Variants in SLITRK4 observed in about 807,000 individuals in gnomAD.
SLITRK4 encodes SLIT and NTRK like family member 4, also known as SLIT and NTRK-like protein 4.
Under a neutral mutation model 34.7 loss-of-function variants are expected in SLITRK4, and 7 were observed. That is an observed-to-expected ratio of 0.20 (90% CI 0.11 to 0.38). SLITRK4 has a LOEUF of 0.38. Ranked by LOEUF, SLITRK4 falls within the 10% of genes least tolerant of loss-of-function variation. The probability of loss-of-function intolerance (pLI) is 1.00; values close to 1 mark genes in which losing one functional copy is unlikely to be tolerated. For missense variants in SLITRK4, 474 were observed against 607.0 expected, an observed-to-expected ratio of 0.78 and a Z score of 2.30; for synonymous variants, 237 against 246.2, an observed-to-expected ratio of 0.96 and a Z score of 0.35.
rs143808136 is a variant in SLITRK4 at position 143,628,367 on chromosome X, G to A, written c.*228C>T. 1.4e-5 allele frequency: 5 copies of A among 360,050 alleles called. No homozygotes were observed. The highest frequency in any genetic ancestry group is 1.9e-5 in the Non-Finnish European group (4 of 213,046). The allele number at this position is 360,050 out of a possible 1,213,427, so 29.7% of individuals were successfully genotyped here. A position where few individuals can be genotyped will look rare whatever the true frequency, so the allele number is the denominator to read the frequency against. On this transcript the variant is annotated 3_prime_UTR_variant, in exon 2 of 2. Transcript: ENST00000356928. ...TGTATAAAGCATCCCTTTGGCAATA[G>A]AGTTTGCAGTATCCCCACAGGACTC... is the stretch of plus-strand genomic sequence containing the variant.
At position 143,630,295 on chromosome X, in the gene SLITRK4, C is replaced by G. The variant is rs782237496; in HGVS notation, c.814G>C (p.Val272Leu). ...AGCTGAGATGGAGGCAGGATGCGCA[C>G]GTCAAAATCACTGCCGGTGCCCATG... Reference protein sequence around the residue: ...CPMGTGSDFDVRILPPSQLEN... With the variant: ...CPMGTGSDFDLRILPPSQLEN... The change falls in exon 2 of 2, where the codon GTG becomes CTG. Residue 272 changes from valine to leucine, a missense_variant. Coordinates refer to ENST00000356928, the MANE Select transcript of SLITRK4 (RefSeq NM_001184749.3). 15 of 1,209,915 alleles carry G rather than the reference C, an allele frequency of 1.2e-5. No individual in the cohort carries two copies. Among genetic ancestry groups the G allele is most frequent in the Admixed American group, 2.2e-5 (1 of 45,692 alleles).
At chrX:143,635,221 C>G (rs1342100833) in intron 1 of SLITRK4, 2 of 93,862 alleles carry the variant, frequency 2.1e-5, no homozygotes, top group Non-Finnish European at 4.2e-5. Context: ...CCCTCACATT[C>G]CTGAGCTCCT....
Position 143,630,400 on chromosome X carries a change from T to C in SLITRK4, c.709A>G (p.Ile237Val), listed in dbSNP as rs1556427793. 1.7e-6 allele frequency: 2 copies of C among 1,211,450 alleles called. No individual in the cohort carries two copies. The highest frequency in any genetic ancestry group is 3.5e-5 in the South Asian group (2 of 56,966). Residue 237 changes from isoleucine to valine, a missense_variant, in exon 2 of 2, where the codon ATA becomes GTA. Physicochemically the swap from Ile to Val is conservative, Grantham distance 29 (BLOSUM62 3). Coordinates refer to ENST00000356928, the MANE Select transcript of SLITRK4 (RefSeq NM_001184749.3). ...WLENMPYNIY[I>V]GEAICETPSD... is the part of the protein sequence containing the mutation. Reference sequence around the variant, plus strand: ...GGAGTTTCACAGATAGCTTCTCCTATGTAAATGTTATATGGCATGTTCTCC... The same window carrying C: ...GGAGTTTCACAGATAGCTTCTCCTACGTAAATGTTATATGGCATGTTCTCC...
chrX:143,626,908 ATATATATC>A lies in SLITRK4; in HGVS notation c.*1679_*1686del, dbSNP rs1224237873. 10 of 106,672 alleles carry A rather than the reference ATATATATC, an allele frequency of 9.4e-5. No individual in the cohort carries two copies. Among genetic ancestry groups the A allele is most frequent in the South Asian group, 3.9e-4 (1 of 2,547 alleles). The allele number at this position is 106,672 out of a possible 1,213,427, so 8.8% of individuals were successfully genotyped here. On this transcript the variant is annotated 3_prime_UTR_variant, in exon 2 of 2. Coordinates refer to ENST00000356928, the MANE Select transcript of SLITRK4 (RefSeq NM_001184749.3). ...CACACATATATATATATGTATATCTATATATATCTATATATCTATATATATATATGCAG... is the reference window on the plus strand; with the variant it reads ...CACACATATATATATATGTATATCTATATATATCTATATATATATATGCAG...
chrX:143,635,046 A>G (rs1931186712), intron 1 of SLITRK4: 1 of 107,236 alleles, frequency 9.3e-6, no homozygotes, highest in Non-Finnish European at 1.9e-5. Context: ...GCAGGCGGGC[A>G]GCGGCGCGCG....
Position 143,626,900 on chromosome X carries a change from GTATATCTATA to G in SLITRK4, c.*1685_*1694del, listed in dbSNP as rs1321080361. ...TATACACACACACATATATATATATGTATATCTATATATATCTATATATCTATATATATAT... is the reference window on the plus strand; with the variant it reads ...TATACACACACACATATATATATATGTATATCTATATATCTATATATATAT... On this transcript the variant is annotated 3_prime_UTR_variant, in exon 2 of 2. Coordinates refer to ENST00000356928, the MANE Select transcript of SLITRK4 (RefSeq NM_001184749.3). 2 of 104,351 alleles carry G rather than the reference GTATATCTATA, an allele frequency of 1.9e-5. No individual in the cohort carries two copies. The highest frequency in any genetic ancestry group is 2.1e-4 in the Admixed American group (2 of 9,387). The allele number at this position is 104,351 out of a possible 1,213,427, so 8.6% of individuals were successfully genotyped here. A position where few individuals can be genotyped will look rare whatever the true frequency, so the allele number is the denominator to read the frequency against.
chrX:143,625,397 AT>A lies in SLITRK4; in HGVS notation c.*3197del, dbSNP rs1371894279. 2.7e-5 allele frequency: 3 copies of A among 111,664 alleles called. No individual in the cohort carries two copies. Among genetic ancestry groups the A allele is most frequent in the East Asian group, 2.8e-4 (1 of 3,576 alleles). The allele number at this position is 111,664 out of a possible 1,213,427, so 9.2% of individuals were successfully genotyped here. On this transcript the variant is annotated 3_prime_UTR_variant, in exon 2 of 2. Transcript: ENST00000356928. Reference sequence around the variant, plus strand: ...TCATCTTTATTGATTTCATAAAAAAATAATTTAAAACTTGATTTATATTACA... The same window carrying A: ...TCATCTTTATTGATTTCATAAAAAAAAATTTAAAACTTGATTTATATTACA...
In SLITRK4 at chrX:143,629,283, C is replaced by T. The variant is rs1556426483; in HGVS notation, c.1826G>A (p.Ser609Asn). 4 of 1,211,980 alleles carry T rather than the reference C, an allele frequency of 3.3e-6. No homozygotes were observed. The highest frequency in any genetic ancestry group is 4.5e-6 in the Non-Finnish European group (4 of 895,602). ...CAGAGGCACTGGCCCACCAGGAGGA[C>T]TTCGAATGGGACCCAAAGGAGTGGT... ...TFTTPLGPIR[S>N]PPGGPVPLSI... The change falls in exon 2 of 2, where the codon AGT becomes AAT. Residue 609 changes from serine (S) to asparagine (N), a missense_variant. Ser to Asn is a conservative substitution (Grantham distance 46). Around this residue, in one of 3 missense-constraint regions of SLITRK4, gnomAD observed 345 missense variants for 406.5 expected, o/e 0.85. Coordinates refer to ENST00000356928, the MANE Select transcript of SLITRK4 (RefSeq NM_001184749.3).
chrX:143,631,153 A>G lies in SLITRK4; in HGVS notation c.-45T>C, dbSNP rs1931024965. 2.0e-6 allele frequency: 2 copies of G among 1,004,990 alleles called. No homozygotes were observed. Among genetic ancestry groups the G allele is most frequent in the East Asian group, 6.6e-5 (2 of 30,431 alleles). The allele number at this position is 1,004,990 out of a possible 1,213,427, so 82.8% of individuals were successfully genotyped here. A position where few individuals can be genotyped will look rare whatever the true frequency, so the allele number is the denominator to read the frequency against. ...AACTGTATGCTTCTGAATAAAGAGA[A>G]ATAATCTAAAAAATAAAAAGAAAAC... On this transcript the variant is annotated 5_prime_UTR_variant, in exon 2 of 2. Transcript: ENST00000356928.
intron 1 of SLITRK4, among the ~76,000 whole-genome samples, chrX:143,633,819 G>T (rs1360113916): frequency 8.9e-6 from 1 of 111,937 alleles, no homozygotes; most frequent in Non-Finnish European, 1.9e-5. Context: ...GAGGAGGCTG[G>T]AGGGGCTGCT....
chrX:143,629,691 G>A lies in SLITRK4; in HGVS notation c.1418C>T (p.Pro473Leu), dbSNP rs1556426890. 8.3e-7 allele frequency: 1 copy of A among 1,209,476 alleles called. No individual in the cohort carries two copies. The highest frequency in any genetic ancestry group is 1.1e-6 in the Non-Finnish European group (1 of 895,036). The change falls in exon 2 of 2, where the codon CCA (proline) becomes CTA (leucine). Residue 473 changes from proline to leucine, a missense_variant. Pro to Leu is a moderately conservative substitution (Grantham distance 98). This residue lies in a region of SLITRK4 where 345 missense variants were observed against 406.5 expected (regional missense o/e 0.85). Transcript: ENST00000356928. The part of the protein sequence containing the change: ...EISAGTFDSM[P>L]NLQLLYLNNN... ...GTTTAAGTACAGTAACTGCAAATTT[G>A]GCATGGAGTCAAAGGTGCCTGCTGA...
chrX:143,632,590 C>T (rs782083957), intron 1 of SLITRK4, among the ~76,000 whole-genome samples: 1 of 111,931 alleles, frequency 8.9e-6, no homozygotes, highest in East Asian at 2.8e-4. Flanking sequence ...CGCACAGAAA[C>T]TCCTTTGTTT....
chrX:143,629,128 A>T lies in SLITRK4; in HGVS notation c.1981T>A (p.Cys661Ser). The change falls in exon 2 of 2, where the codon TGT becomes AGT. Residue 661 changes from cysteine (C) to serine (S), a missense_variant. Physicochemically the swap from Cys to Ser is moderately radical, Grantham distance 112. Around this residue, in one of 3 missense-constraint regions of SLITRK4, gnomAD observed 345 missense variants for 406.5 expected, o/e 0.85. Transcript: ENST00000356928. ...CTTAGCTGCAGCTGCATGGAGCCAC[A>T]GTCAGGATTCCCCAGGCCTTCGTGC... ...VKHEGLGNPD[C>S]GSMQLQLRKH... 1 of 1,212,168 alleles carries T rather than the reference A, an allele frequency of 8.2e-7. No individual in the cohort carries two copies. Among genetic ancestry groups the T allele is most frequent in the Non-Finnish European group, 1.1e-6 (1 of 895,667 alleles).
intron 1 of SLITRK4, among the ~76,000 whole-genome samples, chrX:143,632,716 C>T (rs1931080221): frequency 8.9e-6 from 1 of 111,786 alleles, no homozygotes; most frequent in Non-Finnish European, 1.9e-5. Flanking sequence ...AGAATACAGC[C>T]AGCACTGCTG....
In SLITRK4 at chrX:143,628,279, G is replaced by T; in HGVS notation, c.*316C>A. 1 of 306,992 alleles carries T rather than the reference G, an allele frequency of 3.3e-6. No individual in the cohort carries two copies. 25.3% of individuals were successfully genotyped at this position (306,992 alleles called of 1,213,427 possible). A position where few individuals can be genotyped will look rare whatever the true frequency, so the allele number is the denominator to read the frequency against. ...GAGTTTGCTTTACAAAGCACAAAGAGACGAAGGTTTTGCATTGGGGTACAA... is the reference window on the plus strand; with the variant it reads ...GAGTTTGCTTTACAAAGCACAAAGATACGAAGGTTTTGCATTGGGGTACAA... On this transcript the variant is annotated 3_prime_UTR_variant, in exon 2 of 2. Transcript: ENST00000356928.
Position 143,628,131 on chromosome X carries a change from T to TTTTTTTTTTTGA in SLITRK4, c.*463_*464insTCAAAAAAAAAA. Reference sequence around the variant, plus strand: ...TTTTTTTTTTTTTTTTTTTTTTACTTTTCAGATAATCTTTACACGGAGTTG... The same window carrying TTTTTTTTTTTGA: ...TTTTTTTTTTTTTTTTTTTTTTACTTTTTTTTTTTTGATTCAGATAATCTTTACACGGAGTTG... On this transcript the variant is annotated 3_prime_UTR_variant, in exon 2 of 2. Transcript: ENST00000356928. 5.0e-6 allele frequency: 1 copy of TTTTTTTTTTTGA among 198,719 alleles called. No homozygotes were observed. The allele number at this position is 198,719 out of a possible 1,213,427, so 16.4% of individuals were successfully genotyped here.
intron 1 of SLITRK4, among the ~76,000 whole-genome samples, chrX:143,633,955 T>G (rs952602891): frequency 8.9e-6 from 1 of 112,705 alleles, no homozygotes; most frequent in African/African-American, 3.2e-5. Flanking sequence ...GCGCGGGATG[T>G]CGCGGGGGCC....
Position 143,629,745 on chromosome X carries a change from T to A in SLITRK4, c.1364A>T (p.Tyr455Phe), listed in dbSNP as rs782521653. Residue 455 changes from tyrosine to phenylalanine, a missense_variant, in exon 2 of 2, where the codon TAT (tyrosine) becomes TTT (phenylalanine). Tyr to Phe is a conservative substitution (Grantham distance 22). This residue lies in a region of SLITRK4 where 345 missense variants were observed against 406.5 expected (regional missense o/e 0.85). Transcript: ENST00000356928. The stretch of plus-strand genomic sequence containing the variant: ...TTCCTTAATCAAATTGTATTCCAAA[T>A]ACAGATACTGCAGGTTATGAAGACC... Reference protein sequence around the residue: ...FSGLHNLQYLYLEYNLIKEIS... With the variant: ...FSGLHNLQYLFLEYNLIKEIS... 1 of 1,211,158 alleles carries A rather than the reference T, an allele frequency of 8.3e-7. No homozygotes were observed. The highest frequency in any genetic ancestry group is 1.1e-6 in the Non-Finnish European group (1 of 895,016).
rs781794835 is a variant in SLITRK4 at position 143,624,815 on chromosome X, C to A, written c.*3780G>T. On this transcript the variant is annotated 3_prime_UTR_variant, in exon 2 of 2. Transcript: ENST00000356928. ...GCAAACAAAAGTCATTAAAACAGTT[C>A]TTTTCTGTGATTTACATGAGCTTTT... 1.8e-5 allele frequency: 2 copies of A among 111,555 alleles called. No individual in the cohort carries two copies. Among genetic ancestry groups the A allele is most frequent in the South Asian group, 7.4e-4 (2 of 2,706 alleles). 9.2% of individuals were successfully genotyped at this position (111,555 alleles called of 1,213,427 possible).
Sources: gnomAD v4.1 joint callset for allele counts (sites outside exome capture counted in the v4.1 genomes callset) on GRCh38, gnomAD v4.1.1 for gene constraint, gnomAD v4.1.1 regional missense constraint, MANE v1.5 for transcripts, NCBI Gene and HGNC (gene_info 2026-07-23, HGNC 2026-07-21) for gene names.